RARB: variants seen among roughly 807,000 people sequenced by gnomAD.
The protein encoded by RARB is retinoic acid receptor beta.
RARB carries 17 observed loss-of-function variants against 51.9 expected under a neutral mutation model. The observed-to-expected ratio is 0.33, with a 90% CI of 0.22 to 0.49. The LOEUF is 0.49. RARB is among the 20% of genes least tolerant of loss of function. RARB has a pLI of 0.99. For synonymous variants in RARB, 215 were observed against 195.4 expected (o/e 1.10, Z -0.84); for missense variants, 369 against 550.8 (o/e 0.67, Z 3.30).
chr3:25,097,060 T>C (rs757783038), intron 3 of RARB, among the ~76,000 whole-genome samples: 3 of 152,192 alleles, frequency 2.0e-5, no homozygotes, highest in Admixed American at 6.5e-5. Context: ...TTTAGTTCTT[T>C]TGTAGCAATT....
At chr3:25,298,131 C>G (rs1432304909) in intron 5 of RARB, among the ~76,000 whole-genome samples, 2 of 151,354 alleles carry the variant, frequency 1.3e-5, no homozygotes, top group African/African-American at 4.9e-5. Flanking sequence ...TACAAAAGGA[C>G]TACTTTGACT....
chr3:25,552,672 T>C (rs572893022), intron 3 of RARB, among the ~76,000 whole-genome samples: 1 of 152,168 alleles, frequency 6.6e-6, no homozygotes, highest in Admixed American at 6.5e-5. Flanking sequence ...AAAATCTACC[T>C]GGAGGAGATA....
chr3:24,857,852 G>A (rs1426092679), intron 1 of RARB, among the ~76,000 whole-genome samples: 1 of 152,208 alleles, frequency 6.6e-6, no homozygotes, highest in Non-Finnish European at 1.5e-5. Flanking sequence ...CCTGAACCCA[G>A]GAGTTTGAAG....
chr3:25,421,109 CT>C (rs1162492521), intron 5 of RARB, among the ~76,000 whole-genome samples: 1 of 151,270 alleles, frequency 6.6e-6, no homozygotes, highest in African/African-American at 2.4e-5. Flanking sequence ...TCAGTGTGTG[CT>C]TTGTGAAATG....
intron 2 of RARB, among the ~76,000 whole-genome samples, chr3:25,479,058 C>T (rs1030426706): frequency 3.0e-4 from 46 of 152,052 alleles, no homozygotes; most frequent in Non-Finnish European, 5.7e-4. Context: ...TAATTGTACC[C>T]TCTGGGAAGG....
chr3:25,202,055 G>A (rs184732116), intron 5 of RARB, among the ~76,000 whole-genome samples: 2 of 152,142 alleles, frequency 1.3e-5, no homozygotes, highest in African/African-American at 4.8e-5. Flanking sequence ...CTGTGAATCT[G>A]TCTGGTCCTG....
chr3:25,120,278 G>C (rs144397103), intron 3 of RARB, among the ~76,000 whole-genome samples: 48 of 152,180 alleles, frequency 3.2e-4, no homozygotes, highest in Admixed American at 2.8e-3. Context: ...GAGTAGTGAC[G>C]ACTGTAAAAA....
At chr3:25,137,296 A>G (rs1237353723) in intron 4 of RARB, among the ~76,000 whole-genome samples, 1 of 152,076 alleles carries the variant, frequency 6.6e-6, no homozygotes, top group African/African-American at 2.4e-5. Flanking sequence ...TTTCTTACAT[A>G]GGACAGAGCT....
chr3:24,961,999 G>GCAA (rs2125412115), intron 2 of RARB, among the ~76,000 whole-genome samples: 1 of 127,106 alleles, frequency 7.9e-6, no homozygotes, highest in African/African-American at 3.0e-5. Context: ...GCGCTATCAT[G>GCAA]GCTCACTGCA....
intron 5 of RARB, among the ~76,000 whole-genome samples, chr3:25,299,241 G>A (rs1421713904): frequency 6.6e-6 from 1 of 152,048 alleles, no homozygotes; most frequent in African/African-American, 2.4e-5. Context: ...AACTTTAATA[G>A]CAAAAAAAGA....
intron 5 of RARB, among the ~76,000 whole-genome samples, chr3:25,232,196 G>C (rs890049048): frequency 6.6e-6 from 1 of 152,016 alleles, no homozygotes; most frequent in African/African-American, 2.4e-5. Context: ...TGATCTATGT[G>C]TTTATCCTTT....
At chr3:25,072,776 T>G (rs1170648232) in intron 3 of RARB, among the ~76,000 whole-genome samples, 1 of 152,054 alleles carries the variant, frequency 6.6e-6, no homozygotes, top group Non-Finnish European at 1.5e-5. Context: ...TGGCGCGATC[T>G]CGGCTCACTG....
At chr3:25,014,270 T>A (rs1220189767) in intron 2 of RARB, among the ~76,000 whole-genome samples, 1 of 151,988 alleles carries the variant, frequency 6.6e-6, no homozygotes, top group African/African-American at 2.4e-5. Context: ...ATTGTTTGGA[T>A]CAATAGAATG....
chr3:25,190,225 A>G (rs1451487896), intron 5 of RARB, among the ~76,000 whole-genome samples: 8 of 152,046 alleles, frequency 5.3e-5, no homozygotes, highest in Non-Finnish European at 1.2e-4. Context: ...TCCTCAATCT[A>G]ATTCTCTCTG....
At chr3:25,102,517 A>G (rs1311737209) in intron 3 of RARB, among the ~76,000 whole-genome samples, 2 of 152,038 alleles carry the variant, frequency 1.3e-5, no homozygotes, top group African/African-American at 4.8e-5. Context: ...TCCAGCCTGG[A>G]CGACAGAATA....
intron 2 of RARB, among the ~76,000 whole-genome samples, chr3:25,007,600 A>AAAAAAAAAAAAAAAAAC (rs1342393781): frequency 1.4e-5 from 2 of 143,260 alleles, no homozygotes; most frequent in African/African-American, 2.7e-5. Context: ...CTCAAAAAAA[A>AAAAAAAAAAAAAAAAAC]AAAACAAAAA....
intron 4 of RARB, among the ~76,000 whole-genome samples, chr3:25,136,412 T>G (rs2125335257): frequency 6.6e-6 from 1 of 152,138 alleles, no homozygotes; most frequent in East Asian, 1.9e-4. Context: ...TTTTAATGGG[T>G]TTATGGGTTA....
At chr3:25,388,851 TAAAA>T (rs954424959) in intron 5 of RARB, among the ~76,000 whole-genome samples, 1 of 151,686 alleles carries the variant, frequency 6.6e-6, no homozygotes, top group Non-Finnish European at 1.5e-5. Context: ...TTCTAGGTAT[TAAAA>T]AAAAATCTAG....
At chr3:25,308,646 C>T (rs540977520) in intron 5 of RARB, among the ~76,000 whole-genome samples, 1 of 152,152 alleles carries the variant, frequency 6.6e-6, no homozygotes, top group African/African-American at 2.4e-5. Flanking sequence ...CAGGGTTTCA[C>T]CATGTTGGCC....
Sources: allele counts gnomAD v4.1 joint callset (sites outside exome capture counted in the v4.1 genomes callset), GRCh38; gene constraint gnomAD v4.1.1; transcripts MANE v1.5; gene names NCBI Gene and HGNC (gene_info 2026-07-23, HGNC 2026-07-21).